Variants in ADAM18 observed in about 807,000 individuals in gnomAD.
The protein encoded by ADAM18 is disintegrin and metalloproteinase domain-containing protein 18.
A neutral mutation model predicts 94.4 loss-of-function variants in ADAM18; 117 were observed. The observed-to-expected ratio is 1.24, with a 90% CI of 1.07 to 1.45. The LOEUF (loss-of-function observed/expected upper bound fraction) is 1.45. ADAM18 is among the 40% of genes most tolerant of loss of function. The pLI, the probability that ADAM18 is intolerant of heterozygous loss-of-function variation, is 0.00. For synonymous variants in ADAM18, 327 were observed against 291.6 expected, an observed-to-expected ratio of 1.12 and a Z score of -1.24; for missense variants, 936 against 880.0, an observed-to-expected ratio of 1.06 and a Z score of -0.81.
At position 39,706,848 on chromosome 8, in the gene ADAM18, A is replaced by C; in HGVS notation, c.1961A>C (p.Lys654Thr). The change falls in exon 18 of 20, where the codon AAA becomes ACA. Residue 654 changes from lysine to threonine, a missense_variant. Physicochemically the swap from Lys to Thr is moderately conservative, Grantham distance 78. Coordinates refer to ENST00000265707, the MANE Select transcript of ADAM18 (RefSeq NM_014237.3). ...CCTGGACATAGACCTCCAGATTGTA[A>C]ATTCCAGTTTGGTTCCCCAGGGGGT... ...CFPGHRPPDC[K>T]FQFGSPGGSI... is the part of the protein sequence containing the mutation. 6.2e-7 allele frequency: 1 copy of C among 1,611,222 alleles called. No individual in the cohort carries two copies. The highest frequency in any genetic ancestry group is 1.1e-5 in the South Asian group (1 of 90,820).
At chr8:39,709,714 T>C (rs550527740) in intron 18 of ADAM18, among the ~76,000 whole-genome samples, 8 of 152,132 alleles carry the variant, frequency 5.3e-5, no homozygotes, top group Admixed American at 1.3e-4. Context: ...GGTAAATAGG[T>C]TTGGTGATGT....
chr8:39,664,288 G>A (rs969290356), intron 13 of ADAM18, among the ~76,000 whole-genome samples: 11 of 152,072 alleles, frequency 7.2e-5, no homozygotes, highest in Non-Finnish European at 8.8e-5. Flanking sequence ...AAACAATACA[G>A]TATAACTATT....
chr8:39,692,610 A>G lies in ADAM18; in HGVS notation c.1832A>G (p.Asn611Ser). Residue 611 changes from asparagine (N) to serine (S), a missense_variant, in exon 17 of 20, where the codon AAT becomes AGT. Physicochemically the swap from Asn to Ser is conservative, Grantham distance 46. Coordinates refer to ENST00000265707, the MANE Select transcript of ADAM18 (RefSeq NM_014237.3). ...TTTGTTTTGTTTTAGTACTGTGTAA[A>G]TAAAACCTGCAGAAAAGTTCATTTA... Reference protein sequence around the residue: ...TMCGPEMYCVNKTCRKVHLMG... With the variant: ...TMCGPEMYCVSKTCRKVHLMG... 2 of 1,604,044 alleles carry G rather than the reference A, an allele frequency of 1.2e-6. No homozygotes were observed. Among genetic ancestry groups the G allele is most frequent in the Non-Finnish European group, 1.7e-6 (2 of 1,174,426 alleles).
In ADAM18 at chr8:39,645,454, C is replaced by A. The variant is rs1329546900; in HGVS notation, c.1026C>A (p.Cys342Ter). ...AGTGTTTCTGTCTGAGAGCTACATG[C>A]ATCATGAATCATGAAGCAGTGTAAG... Reference protein sequence around the residue: ...ITQCFCLRATCIMNHEAVSAS... With the variant: ...ITQCFCLRAT Residue 342 changes from cysteine (C) to a stop codon, truncating the protein, a stop_gained, in exon 11 of 20, where the codon TGC (cysteine) becomes TGA (stop). Transcript: ENST00000265707. LOFTEE classifies it high-confidence loss of function. 2 of 1,610,822 alleles carry A rather than the reference C, an allele frequency of 1.2e-6. No individual in the cohort carries two copies. Among genetic ancestry groups the A allele is most frequent in the Admixed American group, 1.7e-5 (1 of 59,652 alleles).
chr8:39,710,730 C>G (rs1822373635), intron 18 of ADAM18, among the ~76,000 whole-genome samples: 1 of 152,164 alleles, frequency 6.6e-6, no homozygotes. Context: ...GTTGATTACA[C>G]TGGCAGTTAT....
intron 17 of ADAM18, among the ~76,000 whole-genome samples, chr8:39,697,402 A>G (rs1358181883): frequency 6.6e-6 from 1 of 151,608 alleles, no homozygotes; most frequent in Admixed American, 6.6e-5. Context: ...GCTGTATAAC[A>G]TAAATTTTTG....
intron 6 of ADAM18, among the ~76,000 whole-genome samples, chr8:39,624,559 T>G (rs1364785551): frequency 1.3e-5 from 2 of 152,176 alleles, no homozygotes; most frequent in East Asian, 3.9e-4. Flanking sequence ...GTTTGTAGTG[T>G]GGTTTGAAGT....
At chr8:39,663,985 AG>A in intron 13 of ADAM18, 95 bp downstream of exon 13, 1 of 813,466 alleles carries the variant, frequency 1.2e-6, no homozygotes, top group Non-Finnish European at 1.9e-6. Context: ...AGAATATATA[AG>A]GAATTTAGTG....
At chr8:39,703,394 G>T (rs1395111074) in intron 17 of ADAM18, among the ~76,000 whole-genome samples, 1 of 152,062 alleles carries the variant, frequency 6.6e-6, no homozygotes, top group Non-Finnish European at 1.5e-5. Flanking sequence ...AGACAATGAG[G>T]TTATTTTTAG....
At chr8:39,695,247 A>G (rs1392772997) in intron 17 of ADAM18, among the ~76,000 whole-genome samples, 1 of 151,584 alleles carries the variant, frequency 6.6e-6, no homozygotes, top group Non-Finnish European at 1.5e-5. Context: ...TTGGGTAAAT[A>G]CCAAGGAGCA....
chr8:39,663,440 AAG>A lies in ADAM18; in HGVS notation c.1231-353_1231-352del, dbSNP rs1200966027. ...CTAGTCTTTACAAAAAAAAAAAAAA[AAG>A]AAAAAAAATATCTGGGCATGATTGC... is the stretch of plus-strand genomic sequence containing the variant. On this transcript the variant is annotated intron_variant, in intron 12 of 19. Transcript: ENST00000265707. 8.8e-4 allele frequency among the ~76,000 whole-genome samples: 132 copies of A among 149,340 alleles called. 1 individual carries two copies. The East Asian group carries it at 0.024, about 27-fold the overall frequency.
Position 39,600,712 on chromosome 8 carries a change from C to T in ADAM18, c.133-5595C>T, listed in dbSNP as rs545323693. On this transcript the variant is annotated intron_variant, in intron 2 of 19. Transcript: ENST00000265707. ...CCAGGTTACCCTGGGACCTGAGCTG[C>T]CCATGAGGAACTGGGTGTTATCTGA... Among the ~76,000 whole-genome samples the T allele has an allele frequency of 5.9e-5, 9 of 152,254 alleles. No homozygotes were observed. The East Asian group carries it at 1.4e-3, about 23-fold the overall frequency.
At chr8:39,700,895 A>G (rs1322545343) in intron 17 of ADAM18, among the ~76,000 whole-genome samples, 1 of 151,696 alleles carries the variant, frequency 6.6e-6, no homozygotes, top group African/African-American at 2.4e-5. Flanking sequence ...CGGGCGGATC[A>G]CGAGGTCAGG....
chr8:39,655,727 G>T (rs553861653), intron 12 of ADAM18, among the ~76,000 whole-genome samples: 1 of 152,094 alleles, frequency 6.6e-6, no homozygotes, highest in Admixed American at 6.5e-5. Context: ...ATCATTGTAT[G>T]CATGAAAACC....
rs1413145914 is a variant in ADAM18, at chr8:39,725,670, CA to C, written c.2177+1766del. ...TCCTCTACATCTATTCATGAGATAA[CA>C]AATAAGAGAATTTTCTTCATTGTTA... On this transcript the variant is annotated intron_variant, in intron 19 of 19. Transcript: ENST00000265707. Among the ~76,000 whole-genome samples, 66 of 152,136 alleles carry C rather than the reference CA, an allele frequency of 4.3e-4. 1 individual carries two copies. The highest frequency in any genetic ancestry group is 1.6e-3 in the African/African-American group (66 of 41,434).
intron 2 of ADAM18, among the ~76,000 whole-genome samples, chr8:39,589,663 T>C (rs1030494754): frequency 6.6e-6 from 1 of 151,674 alleles, no homozygotes; most frequent in African/African-American, 2.4e-5. Context: ...TATGTATATA[T>C]TTATTATTAA....
intron 13 of ADAM18, among the ~76,000 whole-genome samples, chr8:39,665,571 A>G (rs926816285): frequency 6.6e-6 from 1 of 152,226 alleles, no homozygotes; most frequent in Admixed American, 6.5e-5. Flanking sequence ...CACTTATGAG[A>G]CTTACGGTTG....
chr8:39,637,017 TTTTATATATATATATATATATATATATA>T (rs1479946821), intron 7 of ADAM18, among the ~76,000 whole-genome samples: 1 of 84,780 alleles, frequency 1.2e-5, no homozygotes, highest in African/African-American at 3.8e-5. Flanking sequence ...CATGTGTGTA[TTTTATATATATATATATATATATATATA>T]TATATATATA....
chr8:39,588,521 A>G lies in ADAM18; in HGVS notation c.132+3169A>G, dbSNP rs555496805. Among the ~76,000 whole-genome samples, 3 of 152,340 alleles carry G rather than the reference A, an allele frequency of 2.0e-5. No homozygotes were observed. The South Asian group carries it at 6.2e-4, about 32-fold the overall frequency. On this transcript the variant is annotated intron_variant, in intron 2 of 19. Coordinates refer to ENST00000265707, the MANE Select transcript of ADAM18 (RefSeq NM_014237.3). ...CATTTGAAATATATTCTTCTATTCC[A>G]TAAAACAATGGCTTAAATTTTAGGA...
Sources: gnomAD v4.1 joint callset for allele counts (sites outside exome capture counted in the v4.1 genomes callset) on GRCh38, gnomAD v4.1.1 for gene constraint, MANE v1.5 for transcripts, NCBI Gene and HGNC (gene_info 2026-07-23, HGNC 2026-07-21) for gene names.